The following LCOR variants were observed in gnomAD, a reference collection of about 807,000 sequenced individuals.
LCOR encodes ligand-dependent corepressor.
A neutral mutation model predicts 64.4 loss-of-function variants in LCOR; 14 were observed. The ratio of observed to expected loss-of-function variants is 0.22; its 90% confidence interval spans 0.14 to 0.34. LCOR has a LOEUF of 0.34. LCOR is among the 10% of genes least tolerant of loss of function. LCOR has a pLI of 1.00. For synonymous variants in LCOR, 643 were observed against 642.5 expected (o/e 1.00, Z -0.01); for missense variants, 1,686 against 1,765.3 (o/e 0.96, Z 0.80).
Position 96,899,010 on chromosome 10 carries a change from A to C in LCOR, c.-329-8255A>C, listed in dbSNP as rs114642411. ...GACCGGAATACTTGGTGATTTATGG[A>C]AAGAATAGAATTGTGACTAACCGAG... On this transcript the variant is annotated intron_variant, in intron 2 of 7. Coordinates refer to ENST00000421806, the MANE Select transcript of LCOR (RefSeq NM_001346516.2). Among the ~76,000 whole-genome samples the C allele has an allele frequency of 4.9e-3, 752 of 152,288 alleles. 10 individuals carry two copies. The highest frequency in any genetic ancestry group is 0.017 in the African/African-American group (724 of 41,584).
intron 7 of LCOR, among the ~76,000 whole-genome samples, chr10:96,968,479 G>A (rs1487286807): frequency 6.6e-6 from 1 of 152,178 alleles, no homozygotes. Flanking sequence ...AATCTCTTTT[G>A]TGAAGTTAGC....
intron 7 of LCOR, among the ~76,000 whole-genome samples, chr10:96,965,530 C>T (rs1006113103): frequency 9.3e-5 from 14 of 150,484 alleles, no homozygotes; most frequent in African/African-American, 1.9e-4. Flanking sequence ...GGCGTGGTGG[C>T]GGGCGCCTGT....
chr10:96,848,929 T>C (rs1351694015), intron 2 of LCOR, among the ~76,000 whole-genome samples: 1 of 151,662 alleles, frequency 6.6e-6, no homozygotes, highest in Non-Finnish European at 1.5e-5. Context: ...TTTTTGTGCA[T>C]ATAAAATAAA....
chr10:96,985,808 G>A lies in LCOR; in HGVS notation c.*674G>A, dbSNP rs551488401. ...TTTGAGAGCATGTATTCTAAATTAT[G>A]TGCCCATGGGACAAGAGATATGTCA... is the stretch of plus-strand genomic sequence containing the variant. On this transcript the variant is annotated 3_prime_UTR_variant, in exon 8 of 8. Coordinates refer to ENST00000421806, the MANE Select transcript of LCOR (RefSeq NM_001346516.2). 1 of 167,126 alleles carries A rather than the reference G, an allele frequency of 6.0e-6. No homozygotes were observed. Among genetic ancestry groups the A allele is most frequent in the African/African-American group, 2.4e-5 (1 of 41,564 alleles). The allele number at this position is 167,126 out of a possible 1,614,324, so 10.4% of individuals were successfully genotyped here.
At chr10:96,906,690 G>A (rs778833619) in intron 2 of LCOR, among the ~76,000 whole-genome samples, 2 of 151,834 alleles carry the variant, frequency 1.3e-5, no homozygotes, top group East Asian at 1.9e-4. Flanking sequence ...TGGGGTTTAC[G>A]TTTATAAAGG....
intron 4 of LCOR, among the ~76,000 whole-genome samples, chr10:96,921,254 C>T (rs760470100): frequency 6.6e-6 from 1 of 151,946 alleles, no homozygotes; most frequent in Non-Finnish European, 1.5e-5. Flanking sequence ...TGATTTAATT[C>T]AATTTATCTA....
chr10:96,990,745 G>A lies in LCOR; in HGVS notation c.*5611G>A, dbSNP rs1481128593. Reference sequence around the variant, plus strand: ...CCTTCCACTTACCTCCTCTCTGTCTGATCTTCCTTTTCCCAGAGCCTCAGT... The same window carrying A: ...CCTTCCACTTACCTCCTCTCTGTCTAATCTTCCTTTTCCCAGAGCCTCAGT... On this transcript the variant is annotated 3_prime_UTR_variant, in exon 8 of 8. Coordinates refer to ENST00000421806, the MANE Select transcript of LCOR (RefSeq NM_001346516.2). The A allele has an allele frequency of 6.6e-6, 1 of 152,282 alleles. No individual in the cohort carries two copies. The allele number at this position is 152,282 out of a possible 1,614,324, so 9.4% of individuals were successfully genotyped here. A position where few individuals can be genotyped will look rare whatever the true frequency, so the allele number is the denominator to read the frequency against.
intron 2 of LCOR, among the ~76,000 whole-genome samples, chr10:96,900,520 A>G (rs1415771946): frequency 6.6e-6 from 1 of 152,120 alleles, no homozygotes; most frequent in African/African-American, 2.4e-5. Flanking sequence ...GTAGGTTTTT[A>G]AAAGAAAAAA....
chr10:96,901,758 G>A (rs547975312), intron 2 of LCOR, among the ~76,000 whole-genome samples: 82 of 151,506 alleles, frequency 5.4e-4, no homozygotes, highest in African/African-American at 2.0e-3. Context: ...CCTTCCATCC[G>A]TTCCTCCATC....
At position 96,920,433 on chromosome 10, in the gene LCOR, T is replaced by TATATATATTC. The variant is rs1564625968; in HGVS notation, c.-184+12686_-184+12687insATATATATTC. On this transcript the variant is annotated intron_variant, in intron 4 of 7. Coordinates refer to ENST00000421806, the MANE Select transcript of LCOR (RefSeq NM_001346516.2). The stretch of plus-strand genomic sequence containing the variant: ...ATATGTATATATATTCATATATATG[T>TATATATATTC]GTATATATGTGTATATATATGTATA... Among the ~76,000 whole-genome samples, 6 of 3,024 alleles carry TATATATATTC rather than the reference T, an allele frequency of 2.0e-3. No individual in the cohort carries two copies. The Admixed American group carries it at 0.034, about 17-fold the overall frequency. The allele number at this position is 3,024 out of a possible 152,430, so 2.0% of individuals were successfully genotyped here. A position where few individuals can be genotyped will look rare whatever the true frequency, so the allele number is the denominator to read the frequency against.
intron 2 of LCOR, among the ~76,000 whole-genome samples, chr10:96,874,343 A>G (rs1327362406): frequency 6.6e-6 from 1 of 152,164 alleles, no homozygotes; most frequent in Non-Finnish European, 1.5e-5. Flanking sequence ...AAAACATGCC[A>G]TTATCCTGTC....
Position 96,952,154 on chromosome 10 carries a change from C to A in LCOR, c.290C>A (p.Ser97Tyr). The A allele has an allele frequency of 6.2e-7, 1 of 1,614,048 alleles. No individual in the cohort carries two copies. ...TKKSPCAGST[S>Y]LSHSPGCSST... Reference sequence around the variant, plus strand: ...AAAAGTCCATGTGCTGGCAGCACTTCCCTGAGCCACTCTCCAGGCTGCTCC... The same window carrying A: ...AAAAGTCCATGTGCTGGCAGCACTTACCTGAGCCACTCTCCAGGCTGCTCC... The change falls in exon 7 of 8, where the codon TCC (serine) becomes TAC (tyrosine). Residue 97 changes from serine to tyrosine, a missense_variant. Transcript: ENST00000421806.
At chr10:96,833,239 C>A (rs1158509443) in intron 1 of LCOR, 167 bp from the exon 2 acceptor site, 1 of 974,304 alleles carries the variant, frequency 1.0e-6, no homozygotes, top group Non-Finnish European at 1.2e-6. Context: ...GAGCCGCAGC[C>A]TCGCCCGAAT....
intron 1 of LCOR, 189 bp from the exon 2 acceptor site, chr10:96,833,216 CG>C: frequency 1.0e-6 from 1 of 981,194 alleles, no homozygotes; most frequent in Non-Finnish European, 1.2e-6. Flanking sequence ...CGTCCCCTCC[CG>C]GGGATTGGCC....
chr10:96,863,058 T>C (rs1413084838), intron 2 of LCOR, among the ~76,000 whole-genome samples: 2 of 150,866 alleles, frequency 1.3e-5, no homozygotes, highest in East Asian at 3.9e-4. Context: ...AATTTTTGTA[T>C]TTTTAGGAGA....
At chr10:96,910,267 G>C (rs1346312521) in intron 4 of LCOR, among the ~76,000 whole-genome samples, 1 of 152,082 alleles carries the variant, frequency 6.6e-6, no homozygotes, top group African/African-American at 2.4e-5. Context: ...TAAAACAACT[G>C]TTTTACTGTT....
At chr10:96,948,451 A>G (rs967638568) in intron 5 of LCOR, among the ~76,000 whole-genome samples, 1 of 152,204 alleles carries the variant, frequency 6.6e-6, no homozygotes, top group African/African-American at 2.4e-5. Context: ...CTGTTTTTGC[A>G]AAGCTGTCAG....
rs1415049864 is a variant in LCOR, at chr10:96,990,173, C to A, written c.*5039C>A. 1.3e-5 allele frequency: 2 copies of A among 152,106 alleles called. No individual in the cohort carries two copies. The highest frequency in any genetic ancestry group is 2.9e-5 in the Non-Finnish European group (2 of 68,020). 9.4% of individuals were successfully genotyped at this position (152,106 alleles called of 1,614,324 possible). The stretch of plus-strand genomic sequence containing the variant: ...AATTGTGGGAGGGCCTTCCCCTCCC[C>A]CTGCCCAGCCCCCAGACAGGGTCTC... On this transcript the variant is annotated 3_prime_UTR_variant, in exon 8 of 8. Transcript: ENST00000421806.
chr10:96,927,465 T>A (rs905360835), intron 4 of LCOR, among the ~76,000 whole-genome samples: 11 of 152,088 alleles, frequency 7.2e-5, no homozygotes, highest in African/African-American at 2.2e-4. Context: ...GTTTTTTTTT[T>A]ATCTCAATGA....
Sources: allele counts gnomAD v4.1 joint callset (sites outside exome capture counted in the v4.1 genomes callset), GRCh38; gene constraint gnomAD v4.1.1; transcripts MANE v1.5; gene names NCBI Gene and HGNC (gene_info 2026-07-23, HGNC 2026-07-21).